The following GRIP1 variants were observed in gnomAD, a reference collection of about 807,000 sequenced individuals.
The protein encoded by GRIP1 is glutamate receptor interacting protein 1.
In GRIP1, 45 loss-of-function variants were observed where a neutral mutation model predicts 129.9. The observed-to-expected ratio is 0.35, with a 90% CI of 0.27 to 0.44. The LOEUF is 0.44. GRIP1 is among the 20% of genes least tolerant of loss of function. The probability of loss-of-function intolerance (pLI) is 1.00; values close to 1 mark genes in which losing one functional copy is unlikely to be tolerated. For synonymous variants in GRIP1, 530 were observed against 520.8 expected (o/e 1.02, Z -0.24); for missense variants, 1,196 against 1,396.8 (o/e 0.86, Z 2.29).
chr12:66,718,703 T>G lies in GRIP1; in HGVS notation c.-420+85350A>C, dbSNP rs187257043. ...CCATCTCTACTAAAAATACAAAAAATTAGCCAGGCATGGTGGCAGGCACCT... is the reference window on the plus strand; with the variant it reads ...CCATCTCTACTAAAAATACAAAAAAGTAGCCAGGCATGGTGGCAGGCACCT... On this transcript the variant is annotated intron_variant, in intron 1 of 4. Transcript: ENST00000538373. Among the ~76,000 whole-genome samples the G allele has an allele frequency of 3.4e-3, 513 of 152,086 alleles. 2 individuals carry two copies. The highest frequency in any genetic ancestry group is 3.7e-3 in the Non-Finnish European group (252 of 67,996).
chr12:66,366,103 A>G (rs2055127726), intron 23 of GRIP1, among the ~76,000 whole-genome samples: 1 of 152,152 alleles, frequency 6.6e-6, no homozygotes, highest in African/African-American at 2.4e-5. Context: ...CATATATTCA[A>G]TGTGTTGTTT....
In GRIP1 at chr12:66,979,222, T is replaced by TAAAAAAAAAAAAAAAAAAA. The variant is rs35306665; in HGVS notation, c.58+89809_58+89827dup. On this transcript the variant is annotated intron_variant, in intron 1 of 1. Coordinates refer to the GRIP1 transcript ENST00000643019. Reference sequence around the variant, plus strand: ...CCCCAAGCCACAAAACTTCTCTTCTTAAAAAAAAAAAAAAAAAAAAAAAAA... The same window carrying TAAAAAAAAAAAAAAAAAAA: ...CCCCAAGCCACAAAACTTCTCTTCTTAAAAAAAAAAAAAAAAAAAAAAAAAAAAAAAAAAAAAAAAAAAA... 1.9e-4 allele frequency among the ~76,000 whole-genome samples: 8 copies of TAAAAAAAAAAAAAAAAAAA among 41,454 alleles called. 2 individuals are homozygous for TAAAAAAAAAAAAAAAAAAA. Among genetic ancestry groups the TAAAAAAAAAAAAAAAAAAA allele is most frequent in the African/African-American group, 6.0e-4 (8 of 13,316 alleles). 27.2% of individuals were successfully genotyped at this position (41,454 alleles called of 152,430 possible). A position where few individuals can be genotyped will look rare whatever the true frequency, so the allele number is the denominator to read the frequency against.
chr12:66,461,613 C>T (rs1565763903), intron 9 of GRIP1, among the ~76,000 whole-genome samples: 1 of 152,190 alleles, frequency 6.6e-6, no homozygotes, highest in Non-Finnish European at 1.5e-5. Context: ...AAATTAAAAT[C>T]TGATAAGGGT....
intron 1 of GRIP1, among the ~76,000 whole-genome samples, chr12:66,655,737 G>A (rs1166506378): frequency 6.6e-6 from 1 of 151,564 alleles, no homozygotes; most frequent in East Asian, 1.9e-4. Flanking sequence ...AGCCTCCTGA[G>A]TAGCTGGGAC....
chr12:66,840,890 T>C (rs934202428), intron 1 of GRIP1, among the ~76,000 whole-genome samples: 9 of 152,212 alleles, frequency 5.9e-5, no homozygotes, highest in Non-Finnish European at 4.4e-5. Flanking sequence ...ACTCAGCTAC[T>C]ATTTTCTAAC....
At chr12:66,419,879 T>C (rs1327830652) in intron 15 of GRIP1, among the ~76,000 whole-genome samples, 2 of 152,232 alleles carry the variant, frequency 1.3e-5, no homozygotes, top group African/African-American at 2.4e-5. Flanking sequence ...GTGGATCACC[T>C]GAGGTCAGGA....
At chr12:66,526,543 G>C (rs1171878937) in intron 5 of GRIP1, among the ~76,000 whole-genome samples, 2 of 152,116 alleles carry the variant, frequency 1.3e-5, no homozygotes, top group Non-Finnish European at 2.9e-5. Context: ...ATGGATTAAA[G>C]ACTTAAATGT....
chr12:66,437,373 G>A (rs898246963), intron 13 of GRIP1, among the ~76,000 whole-genome samples: 12 of 81,638 alleles, frequency 1.5e-4, no homozygotes, highest in Middle Eastern at 7.2e-3. Flanking sequence ...TGGGCTCAGC[G>A]GGAGAATATC....
chr12:66,558,758 G>A (rs1278786900), intron 2 of GRIP1, among the ~76,000 whole-genome samples: 6 of 151,376 alleles, frequency 4.0e-5, no homozygotes, highest in Non-Finnish European at 8.8e-5. Flanking sequence ...AACATTTGAA[G>A]AAGAACTAAT....
At chr12:67,054,450 G>GA (rs1481630432) in intron 1 of GRIP1, among the ~76,000 whole-genome samples, 1 of 151,968 alleles carries the variant, frequency 6.6e-6, no homozygotes. Flanking sequence ...TGTCATGTGC[G>GA]AAAAAATAAA....
At chr12:66,473,465 G>A (rs1335056697) in intron 7 of GRIP1, among the ~76,000 whole-genome samples, 3 of 152,232 alleles carry the variant, frequency 2.0e-5, no homozygotes, top group Non-Finnish European at 4.4e-5. Flanking sequence ...CCAGCACAGT[G>A]CTTCAGCTCT....
At chr12:66,645,955 G>A (rs1051650025) in intron 1 of GRIP1, among the ~76,000 whole-genome samples, 1 of 152,126 alleles carries the variant, frequency 6.6e-6, no homozygotes, top group African/African-American at 2.4e-5. Flanking sequence ...TCTTTATACT[G>A]TATGGAGCCA....
chr12:66,993,433 A>T (rs1022318553), intron 1 of GRIP1, among the ~76,000 whole-genome samples: 3 of 152,094 alleles, frequency 2.0e-5, no homozygotes, highest in African/African-American at 7.2e-5. Context: ...TGAAAAGACC[A>T]ACAAAATTTA....
At chr12:66,922,395 A>T (rs1031478625) in intron 1 of GRIP1, among the ~76,000 whole-genome samples, 1 of 152,166 alleles carries the variant, frequency 6.6e-6, no homozygotes, top group East Asian at 1.9e-4. Flanking sequence ...AGTGGCAGCT[A>T]TTTACATTCT....
At chr12:66,490,556 G>A (rs1168874766) in intron 7 of GRIP1, among the ~76,000 whole-genome samples, 4 of 152,086 alleles carry the variant, frequency 2.6e-5, no homozygotes, top group African/African-American at 7.2e-5. Flanking sequence ...TACCATTCAG[G>A]ACATAGGCAT....
At chr12:66,842,891 T>C (rs887944307) in intron 1 of GRIP1, among the ~76,000 whole-genome samples, 5 of 152,142 alleles carry the variant, frequency 3.3e-5, no homozygotes, top group African/African-American at 1.2e-4. Context: ...ATCAGCTGCT[T>C]ACGTTTTTAG....
intron 1 of GRIP1, among the ~76,000 whole-genome samples, chr12:66,759,431 T>A (rs1233149646): frequency 2.6e-5 from 4 of 152,188 alleles, no homozygotes; most frequent in Non-Finnish European, 5.9e-5. Context: ...TGAAGGTCTC[T>A]GACATGGCCT....
chr12:66,838,044 G>C (rs906906166), intron 1 of GRIP1, among the ~76,000 whole-genome samples: 8 of 152,074 alleles, frequency 5.3e-5, no homozygotes, highest in African/African-American at 1.7e-4. Flanking sequence ...AAATTAGCTG[G>C]GTGTGGTGGT....
intron 1 of GRIP1, among the ~76,000 whole-genome samples, chr12:66,759,793 A>G (rs11176409): frequency 0.45 from 68,910 of 151,530 alleles, 15,888 homozygotes; most frequent in East Asian, 0.59. Flanking sequence ...CCAGTTCCCA[A>G]CAACTTCCTC....
Sources: gnomAD v4.1 joint callset for allele counts (sites outside exome capture counted in the v4.1 genomes callset) on GRCh38, gnomAD v4.1.1 for gene constraint, MANE v1.5 for transcripts, NCBI Gene and HGNC (gene_info 2026-07-23, HGNC 2026-07-21) for gene names.